The following SHANK2 variants were observed in gnomAD, a reference collection of about 807,000 sequenced individuals.
SHANK2 encodes SH3 and multiple ankyrin repeat domains 2.
In SHANK2, 43 loss-of-function variants were observed where a neutral mutation model predicts 133.7. That is an observed-to-expected ratio of 0.32 (90% CI 0.25 to 0.41). The LOEUF (loss-of-function observed/expected upper bound fraction) is 0.41. Among genes scored for constraint, SHANK2 ranks in the 10% least tolerant of loss-of-function variants. SHANK2 has a pLI of 1.00. For synonymous variants in SHANK2, 1,017 were observed against 952.8 expected, an observed-to-expected ratio of 1.07 and a Z score of -1.24; for missense variants, 1,994 against 2,235.8, an observed-to-expected ratio of 0.89 and a Z score of 2.18.
At chr11:71,081,819 C>T (rs1001568057) in intron 8 of SHANK2, among the ~76,000 whole-genome samples, 11 of 152,324 alleles carry the variant, frequency 7.2e-5, no homozygotes, top group Admixed American at 2.0e-4. Context: ...GCTCCAGACA[C>T]GGGGGCCACA....
At chr11:70,635,986 G>A (rs4980547) in intron 17 of SHANK2, among the ~76,000 whole-genome samples, 53,194 of 152,142 alleles carry the variant, frequency 0.35, 10,028 homozygotes, top group East Asian at 0.68. Flanking sequence ...TCCAGAATAC[G>A]CAGAGTCTTT....
chr11:70,820,663 C>T lies in SHANK2; in HGVS notation c.1194G>A (p.Pro398=), dbSNP rs782691092. 17 of 690,112 alleles carry T rather than the reference C, an allele frequency of 2.5e-5. No homozygotes were observed. Among genetic ancestry groups the T allele is most frequent in the Admixed American group, 4.2e-5 (2 of 47,752 alleles). 42.7% of individuals were successfully genotyped at this position (690,112 alleles called of 1,614,324 possible). A position where few individuals can be genotyped will look rare whatever the true frequency, so the allele number is the denominator to read the frequency against. ...ETDIVPFREA[P]AYSNRRRRPP... ...GCCGCCGCCGGCGGTTGGAGTACGC[C>T]GGGGCCTCTCGGAAGGGCACTGGGG... is the stretch of plus-strand genomic sequence containing the variant. Residue 398 remains proline (P), a synonymous_variant, in exon 12 of 26, where the codon CCG becomes CCA. Transcript: ENST00000601538.
At chr11:70,512,642 C>T (rs1021948844) in intron 17 of SHANK2, among the ~76,000 whole-genome samples, 1 of 152,118 alleles carries the variant, frequency 6.6e-6, no homozygotes, top group Non-Finnish European at 1.5e-5. Flanking sequence ...GTTTGTCTTC[C>T]TGAAGAAATA....
At chr11:71,211,192 C>CTTTTT (rs34505384) in intron 2 of SHANK2, among the ~76,000 whole-genome samples, 4 of 101,988 alleles carry the variant, frequency 3.9e-5, no homozygotes, top group African/African-American at 1.1e-4. Context: ...GGTCAATTTC[C>CTTTTT]TTTTTTTTTT....
At chr11:70,541,546 C>G (rs1386227512) in intron 17 of SHANK2, among the ~76,000 whole-genome samples, 2 of 152,186 alleles carry the variant, frequency 1.3e-5, no homozygotes, top group East Asian at 3.9e-4. Flanking sequence ...CCAGAGACCT[C>G]TGGGCAGGCA....
At position 70,756,939 on chromosome 11, in the gene SHANK2, G is replaced by T. The variant is rs551155712; in HGVS notation, c.1777+41504C>A. The stretch of plus-strand genomic sequence containing the variant: ...CTCAGACCCAGGCTCCAAACCTCCT[G>T]GGCCAACCACTCCACTTCCCCAGGT... On this transcript the variant is annotated intron_variant, in intron 14 of 25. Coordinates refer to ENST00000601538, the MANE Select transcript of SHANK2 (RefSeq NM_012309.5). 1.2e-3 allele frequency among the ~76,000 whole-genome samples: 177 copies of T among 152,288 alleles called. 1 individual carries two copies. Among genetic ancestry groups the T allele is most frequent in the African/African-American group, 4.0e-3 (165 of 41,564 alleles).
intron 10 of SHANK2, among the ~76,000 whole-genome samples, chr11:70,944,518 G>A (rs964147031): frequency 1.1e-4 from 16 of 152,218 alleles, no homozygotes; most frequent in African/African-American, 3.9e-4. Flanking sequence ...CTAGAACACT[G>A]GTTTGAAAGG....
At chr11:70,879,477 C>T (rs1449486872) in intron 11 of SHANK2, among the ~76,000 whole-genome samples, 1 of 152,176 alleles carries the variant, frequency 6.6e-6, no homozygotes, top group African/African-American at 2.4e-5. Flanking sequence ...AGGTTGTTAT[C>T]TGTGGTGGCT....
intron 14 of SHANK2, among the ~76,000 whole-genome samples, chr11:70,733,521 G>T (rs562168621): frequency 6.6e-5 from 10 of 152,288 alleles, no homozygotes; most frequent in Non-Finnish European, 1.3e-4. Flanking sequence ...GCCTGCTTTT[G>T]TCAATAAAGT....
intron 25 of SHANK2, among the ~76,000 whole-genome samples, chr11:70,481,997 A>G (rs2058740039): frequency 6.6e-6 from 1 of 152,140 alleles, no homozygotes; most frequent in South Asian, 2.1e-4. Flanking sequence ...ACTGCCCCCC[A>G]CTTGTCCTTG....
chr11:70,794,551 T>A (rs987731175), intron 14 of SHANK2, among the ~76,000 whole-genome samples: 1 of 152,210 alleles, frequency 6.6e-6, no homozygotes, highest in Non-Finnish European at 1.5e-5. Flanking sequence ...AAGGTGTTTT[T>A]AAAAATTATT....
At chr11:70,894,631 A>G (rs1468379169) in intron 11 of SHANK2, among the ~76,000 whole-genome samples, 3 of 152,132 alleles carry the variant, frequency 2.0e-5, no homozygotes, top group Non-Finnish European at 4.4e-5. Flanking sequence ...GAGCTGGGAT[A>G]AGGAAGCCAC....
chr11:70,921,422 G>A (rs1950349680), intron 10 of SHANK2, among the ~76,000 whole-genome samples: 1 of 152,172 alleles, frequency 6.6e-6, no homozygotes, highest in African/African-American at 2.4e-5. Context: ...AGAAATCCCT[G>A]GAGTTTTTAG....
intron 14 of SHANK2, among the ~76,000 whole-genome samples, chr11:70,772,082 G>A (rs1234719812): frequency 2.6e-5 from 4 of 152,118 alleles, no homozygotes; most frequent in Admixed American, 6.5e-5. Flanking sequence ...CAGAGTCTCC[G>A]GGTGCTGACA....
intron 2 of SHANK2, 77 bp downstream of exon 2, chr11:71,224,620 G>A (rs1235456863): frequency 2.0e-5 from 3 of 152,314 alleles, no homozygotes; most frequent in Admixed American, 6.5e-5. Context: ...CAGTGCAAAG[G>A]TGGGGAGGTG....
intron 9 of SHANK2, among the ~76,000 whole-genome samples, chr11:71,064,050 TG>T (rs1163363230): frequency 6.6e-6 from 1 of 151,762 alleles, no homozygotes; most frequent in Non-Finnish European, 1.5e-5. Context: ...CAGTTCCCAC[TG>T]GCTGCTGGAT....
Position 70,753,404 on chromosome 11 carries a change from G to A in SHANK2, c.1777+45039C>T, listed in dbSNP as rs191736904. Reference sequence around the variant, plus strand: ...TCTTTTCAATGTCCACAGAATATTCGCCAAGATAGACCACAGCCTGAGTCA... The same window carrying A: ...TCTTTTCAATGTCCACAGAATATTCACCAAGATAGACCACAGCCTGAGTCA... On this transcript the variant is annotated intron_variant, in intron 14 of 25. Coordinates refer to ENST00000601538, the MANE Select transcript of SHANK2 (RefSeq NM_012309.5). Among the ~76,000 whole-genome samples the A allele has an allele frequency of 2.1e-4, 32 of 152,070 alleles. No homozygotes were observed. In the East Asian group the frequency reaches 4.6e-3, roughly 22 times the overall value.
intron 2 of SHANK2, among the ~76,000 whole-genome samples, chr11:71,182,616 T>C (rs1056820444): frequency 1.6e-4 from 25 of 152,158 alleles, no homozygotes; most frequent in African/African-American, 5.8e-4. Context: ...CTCCTTCTGA[T>C]AAGGATGCCA....
chr11:70,822,231 A>G (rs1364258187), intron 11 of SHANK2, among the ~76,000 whole-genome samples: 2 of 152,254 alleles, frequency 1.3e-5, no homozygotes, highest in African/African-American at 4.8e-5. Flanking sequence ...GGCTGAAGCC[A>G]CGCTTGGCTC....
Sources: allele counts gnomAD v4.1 joint callset (sites outside exome capture counted in the v4.1 genomes callset), GRCh38; gene constraint gnomAD v4.1.1; transcripts MANE v1.5; gene names NCBI Gene and HGNC (gene_info 2026-07-23, HGNC 2026-07-21).